The following CCDC7 variants were observed in gnomAD, a reference collection of about 807,000 sequenced individuals.
CCDC7 encodes the protein coiled-coil domain containing 7.
CCDC7 carries 183 observed loss-of-function variants against 196.9 expected under a neutral mutation model. That is an observed-to-expected ratio of 0.93 (90% confidence interval 0.82 to 1.05). CCDC7 has a LOEUF of 1.05. Ranked by LOEUF, CCDC7 falls within the 50% of genes least tolerant of loss-of-function variation. The pLI is 0.00. For missense variants in CCDC7, 1,540 were observed against 1,482.2 expected, an observed-to-expected ratio of 1.04 and a Z score of -0.64; for synonymous variants, 525 against 484.6, an observed-to-expected ratio of 1.08 and a Z score of -1.10.
At chr10:32,837,837 A>G (rs982397934) in intron 33 of CCDC7, among the ~76,000 whole-genome samples, 5 of 149,820 alleles carry the variant, frequency 3.3e-5, no homozygotes, top group Non-Finnish European at 5.9e-5. Context: ...AAAGTACCAA[A>G]CACCGCATGT....
chr10:32,593,370 C>A (rs1237296908), intron 18 of CCDC7, among the ~76,000 whole-genome samples: 1 of 152,074 alleles, frequency 6.6e-6, no homozygotes, highest in East Asian at 1.9e-4. Context: ...CTGTTCATAT[C>A]CTTTGCTCAC....
intron 25 of CCDC7, among the ~76,000 whole-genome samples, chr10:32,725,798 G>T (rs1317912856): frequency 6.6e-6 from 1 of 150,978 alleles, no homozygotes; most frequent in Non-Finnish European, 1.5e-5. Flanking sequence ...AGGGCACCAA[G>T]CCATTCATGA....
upstream of CCDC7, among the ~76,000 whole-genome samples, chr10:32,444,850 GTTT>G (rs59116319): frequency 1.4e-5 from 2 of 140,272 alleles, no homozygotes; most frequent in Admixed American, 7.1e-5. Context: ...ATGCCTTCAT[GTTT>G]TTTTTTTTTT....
At chr10:32,569,279 T>G (rs1313787886) in intron 15 of CCDC7, among the ~76,000 whole-genome samples, 1 of 152,244 alleles carries the variant, frequency 6.6e-6, no homozygotes, top group Non-Finnish European at 1.5e-5. Flanking sequence ...GATTTTGATG[T>G]AATAGAAGTT....
intron 28 of CCDC7, among the ~76,000 whole-genome samples, chr10:32,777,348 GC>G (rs1464720366): frequency 6.6e-6 from 1 of 152,202 alleles, no homozygotes; most frequent in African/African-American, 2.4e-5. Flanking sequence ...ACGTATGGAT[GC>G]ATGTGTCCAT....
At chr10:32,751,401 T>C (rs1224891181) in intron 28 of CCDC7, among the ~76,000 whole-genome samples, 1 of 152,104 alleles carries the variant, frequency 6.6e-6, no homozygotes, top group African/African-American at 2.4e-5. Flanking sequence ...AATGCCAAGA[T>C]GGCAGTCTCA....
intron 14 of CCDC7, among the ~76,000 whole-genome samples, chr10:32,566,310 G>A (rs2056780312): frequency 6.6e-6 from 1 of 151,958 alleles, no homozygotes; most frequent in South Asian, 2.1e-4. Context: ...TAGCAAAATT[G>A]GAAAGATGTA....
intron 41 of CCDC7, among the ~76,000 whole-genome samples, chr10:32,858,672 G>A (rs1427328882): frequency 6.6e-6 from 1 of 151,840 alleles, no homozygotes; most frequent in Non-Finnish European, 1.5e-5. Flanking sequence ...TAGAAGGAAA[G>A]TTCCTCAACA....
chr10:32,828,398 A>C (rs918910311), intron 32 of CCDC7, among the ~76,000 whole-genome samples: 1 of 131,844 alleles, frequency 7.6e-6, no homozygotes, highest in Non-Finnish European at 1.6e-5. Flanking sequence ...AAAAAAGAAG[A>C]AGAAGGAGAA....
intron 28 of CCDC7, among the ~76,000 whole-genome samples, chr10:32,732,920 T>C (rs935619036): frequency 6.6e-6 from 1 of 152,150 alleles, no homozygotes; most frequent in Non-Finnish European, 1.5e-5. Flanking sequence ...AGCTGTATTA[T>C]ATGTGTTAAA....
chr10:32,521,660 C>T (rs2047902059), intron 11 of CCDC7, among the ~76,000 whole-genome samples: 1 of 150,024 alleles, frequency 6.7e-6, no homozygotes, highest in African/African-American at 2.5e-5. Flanking sequence ...GATAATTTGA[C>T]TTGTTCCTTT....
chr10:32,876,215 A>ATACTATTTT (rs1487090806), intron 41 of CCDC7, 132 bp from the exon 43 acceptor site: 1 of 636,288 alleles, frequency 1.6e-6, no homozygotes, highest in African/African-American at 1.9e-5. Flanking sequence ...GTAGATTTAT[A>ATACTATTTT]TACTATTTTC....
rs199812670 is a variant in CCDC7, at chr10:32,726,857, T to A, written c.2668+25T>A. 6.1e-5 allele frequency: 76 copies of A among 1,240,006 alleles called. 2 individuals carry two copies. The highest frequency in any genetic ancestry group is 1.1e-6 in the Non-Finnish European group (1 of 882,200). The allele number at this position is 1,240,006 out of a possible 1,614,324, so 76.8% of individuals were successfully genotyped here. On this transcript the variant is annotated intron_variant, in intron 26 of 41. Coordinates refer to ENST00000639629, the Ensembl canonical transcript of CCDC7. Reference sequence around the variant, plus strand: ...AGTAAGTGTAGTAATTATAGATGACTTTAAATTATTTTAAAATTAAACTTA... The same window carrying A: ...AGTAAGTGTAGTAATTATAGATGACATTAAATTATTTTAAAATTAAACTTA...
intron 28 of CCDC7, among the ~76,000 whole-genome samples, chr10:32,746,779 G>A (rs550172357): frequency 1.2e-3 from 176 of 152,178 alleles, no homozygotes; most frequent in African/African-American, 3.9e-3. Flanking sequence ...CAGCCTCCTC[G>A]CACCACTTTG....
At chr10:32,746,659 C>A (rs1049822556) in intron 28 of CCDC7, among the ~76,000 whole-genome samples, 1 of 152,156 alleles carries the variant, frequency 6.6e-6, no homozygotes, top group African/African-American at 2.4e-5. Context: ...GTCTCCAATG[C>A]CCAATTGTGG....
intron 11 of CCDC7, among the ~76,000 whole-genome samples, chr10:32,532,484 T>C (rs2049829308): frequency 6.6e-6 from 1 of 152,224 alleles, no homozygotes; most frequent in South Asian, 2.1e-4. Context: ...GCTCCAATAT[T>C]GATGAAAACA....
At chr10:32,477,997 C>G (rs1476191958) in intron 8 of CCDC7, among the ~76,000 whole-genome samples, 1 of 152,054 alleles carries the variant, frequency 6.6e-6, no homozygotes, top group Non-Finnish European at 1.5e-5. Flanking sequence ...TTATTTAGAT[C>G]TTATTTGCTT....
intron 9 of CCDC7, among the ~76,000 whole-genome samples, chr10:32,514,873 G>A (rs2046781908): frequency 6.6e-6 from 1 of 152,062 alleles, no homozygotes. Context: ...CACCCAGGCT[G>A]GTGTGCAGTG....
At chr10:32,746,621 C>A (rs959400304) in intron 28 of CCDC7, among the ~76,000 whole-genome samples, 18 of 152,316 alleles carry the variant, frequency 1.2e-4, no homozygotes, top group Admixed American at 9.1e-4. Context: ...CCTGGGGTCC[C>A]TGCCTGGCTA....
Sources: allele counts gnomAD v4.1 joint callset (sites outside exome capture counted in the v4.1 genomes callset), GRCh38; gene constraint gnomAD v4.1.1; transcripts MANE v1.5; gene names NCBI Gene and HGNC (gene_info 2026-07-23, HGNC 2026-07-21).